The following FCRL6 variants were observed in gnomAD, a reference collection of about 807,000 sequenced individuals.
The protein encoded by FCRL6 is Fc receptor like 6.
Under a neutral mutation model 49.1 loss-of-function variants are expected in FCRL6, and 50 were observed. The ratio of observed to expected loss-of-function variants is 1.02; its 90% CI spans 0.81 to 1.29. The LOEUF is 1.29. Ranked by LOEUF, FCRL6 falls within the 50% of genes most tolerant of loss-of-function variation. FCRL6 has a pLI of 0.00. For missense variants in FCRL6, 571 were observed against 518.5 expected, an observed-to-expected ratio of 1.10 and a Z score of -0.98; for synonymous variants, 213 against 199.6, an observed-to-expected ratio of 1.07 and a Z score of -0.57.
upstream of FCRL6, chr1:159,800,652 C>T (rs1662266004): frequency 1.3e-6 from 2 of 1,529,702 alleles, no homozygotes; most frequent in East Asian, 4.9e-5. Context: ...TTTACTTCCT[C>T]ACTACTTTTC....
In FCRL6 at chr1:159,810,225, C is replaced by T; in HGVS notation, c.1009+9C>T. 3.7e-6 allele frequency: 6 copies of T among 1,608,734 alleles called. No individual in the cohort carries two copies. The highest frequency in any genetic ancestry group is 2.2e-5 in the South Asian group (2 of 90,266). ...ATCCTGGAGAAAAGCTGGTCAGTAA[C>T]TCCTCTTGGCTTTCTTAGCTGCTGA... On this transcript the variant is annotated intron_variant, in intron 6 of 9. Coordinates refer to ENST00000368106, the MANE Select transcript of FCRL6 (RefSeq NM_001004310.3).
intron 4 of FCRL6, 23 bp from the exon 5 acceptor site, chr1:159,809,379 C>A: frequency 6.4e-7 from 1 of 1,567,978 alleles, no homozygotes; most frequent in Non-Finnish European, 8.7e-7. Context: ...CAGGCTGAGC[C>A]TCCCACCCCA....
intron 3 of FCRL6, 99 bp from the exon 4 acceptor site, chr1:159,808,862 C>A: frequency 7.6e-7 from 1 of 1,320,276 alleles, no homozygotes; most frequent in Non-Finnish European, 1.0e-6. Context: ...TCGGGGTCCC[C>A]GGGCTGCAGC....
intron 1 of FCRL6, among the ~76,000 whole-genome samples, chr1:159,805,376 T>C (rs1042049232): frequency 1.3e-5 from 2 of 151,740 alleles, no homozygotes; most frequent in African/African-American, 2.4e-5. Context: ...TTTTTTTTGG[T>C]GTTATGTAAA....
chr1:159,812,145 C>G (rs149882770), intron 6 of FCRL6, among the ~76,000 whole-genome samples: 1 of 152,312 alleles, frequency 6.6e-6, no homozygotes, highest in African/African-American at 2.4e-5. Flanking sequence ...GAACCTGTCT[C>G]TCATGCAAAC....
Position 159,815,722 on chromosome 1 carries a change from A to T in FCRL6, c.*61A>T, listed in dbSNP as rs1663369237. 1 of 1,600,212 alleles carries T rather than the reference A, an allele frequency of 6.2e-7. No homozygotes were observed. The highest frequency in any genetic ancestry group is 8.5e-7 in the Non-Finnish European group (1 of 1,173,018). The stretch of plus-strand genomic sequence containing the variant: ...AGTCTCCAGTGCTCCTCAGGAAGAC[A>T]GTGGGGTCCTCAACTCTTTCTGTGG... On this transcript the variant is annotated 3_prime_UTR_variant, in exon 10 of 10. Transcript: ENST00000368106.
At chr1:159,812,950 T>A (rs1001602177) in intron 6 of FCRL6, among the ~76,000 whole-genome samples, 1 of 152,220 alleles carries the variant, frequency 6.6e-6, no homozygotes, top group Non-Finnish European at 1.5e-5. Context: ...TACTGTGACC[T>A]TATAGAAGTC....
At position 159,815,742 on chromosome 1, in the gene FCRL6, C is replaced by A; in HGVS notation, c.*81C>A. On this transcript the variant is annotated 3_prime_UTR_variant, in exon 10 of 10. Transcript: ENST00000368106. ...AAGACAGTGGGGTCCTCAACTCTTTCTGTGGGTCCTTCAGTTCCCAAGCCC... is the reference window on the plus strand; with the variant it reads ...AAGACAGTGGGGTCCTCAACTCTTTATGTGGGTCCTTCAGTTCCCAAGCCC... The A allele has an allele frequency of 6.4e-7, 1 of 1,552,688 alleles. No homozygotes were observed. The highest frequency in any genetic ancestry group is 8.8e-7 in the Non-Finnish European group (1 of 1,138,056).
rs376070749 is a variant in FCRL6, at chr1:159,813,524, G to A, written c.1045G>A (p.Gly349Ser). 1.2e-6 allele frequency: 2 copies of A among 1,614,026 alleles called. No individual in the cohort carries two copies. The highest frequency in any genetic ancestry group is 1.3e-5 in the African/African-American group (1 of 74,936). ...ATCCCAGATACCACCCACAGCTCCA[G>A]GTGGAGAGCAGTGCCCACTATATGC... is the stretch of plus-strand genomic sequence containing the variant. ...LPSQIPPTAP[G>S]GEQCPLYANV... Residue 349 changes from glycine to serine, a missense_variant, in exon 7 of 10, where the codon GGT becomes AGT. Coordinates refer to ENST00000368106, the MANE Select transcript of FCRL6 (RefSeq NM_001004310.3).
At chr1:159,805,964 C>T (rs1420237932) in intron 1 of FCRL6, among the ~76,000 whole-genome samples, 3 of 152,126 alleles carry the variant, frequency 2.0e-5, no homozygotes, top group Admixed American at 6.5e-5. Flanking sequence ...CTTCCCACCT[C>T]GTACAATGGG....
intron 1 of FCRL6, among the ~76,000 whole-genome samples, chr1:159,804,773 A>G (rs2101733201): frequency 6.6e-6 from 1 of 152,294 alleles, no homozygotes; most frequent in African/African-American, 2.4e-5. Context: ...TGGCTTCAGT[A>G]GTCTCAACCC....
intron 1 of FCRL6, among the ~76,000 whole-genome samples, chr1:159,805,839 T>C (rs1253482162): frequency 6.6e-6 from 1 of 152,226 alleles, no homozygotes; most frequent in Non-Finnish European, 1.5e-5. Context: ...TGTGGAGAGA[T>C]GGGACCACAA....
chr1:159,800,679 C>G, upstream of FCRL6: 1 of 1,421,524 alleles, frequency 7.0e-7, no homozygotes, highest in Non-Finnish European at 9.7e-7. Context: ...TCCTAAACAA[C>G]TGAGTCACCG....
At chr1:159,804,624 C>A (rs892764583) in intron 1 of FCRL6, among the ~76,000 whole-genome samples, 4 of 152,236 alleles carry the variant, frequency 2.6e-5, no homozygotes, top group Non-Finnish European at 2.9e-5. Flanking sequence ...CAGTTGGCTG[C>A]TGTTTTGATT....
chr1:159,812,369 G>A (rs1031369276), intron 6 of FCRL6, among the ~76,000 whole-genome samples: 42 of 152,100 alleles, frequency 2.8e-4, no homozygotes, highest in Non-Finnish European at 5.9e-5. Context: ...ATATGCCACC[G>A]CCAAAGACAG....
chr1:159,803,585 G>GAT (rs1662480518), intron 1 of FCRL6, among the ~76,000 whole-genome samples: 1 of 152,128 alleles, frequency 6.6e-6, no homozygotes, highest in South Asian at 2.1e-4. Flanking sequence ...CTAATGCCTG[G>GAT]ATATACTCCA....
chr1:159,805,662 T>G (rs1012283136), intron 1 of FCRL6, among the ~76,000 whole-genome samples: 1 of 152,228 alleles, frequency 6.6e-6, no homozygotes, highest in Non-Finnish European at 1.5e-5. Context: ...AAAACATGAA[T>G]GTAGCACATC....
At chr1:159,806,701 T>C (rs1662710908) in intron 2 of FCRL6, 85 bp downstream of exon 2, 1 of 1,381,122 alleles carries the variant, frequency 7.2e-7, no homozygotes, top group East Asian at 2.3e-5. Flanking sequence ...TGCCATGGGG[T>C]CCCCCAGAAA....
chr1:159,808,891 C>T, intron 3 of FCRL6, 70 bp from the exon 4 acceptor site: 2 of 1,480,454 alleles, frequency 1.4e-6, no homozygotes, highest in African/African-American at 1.4e-5. Flanking sequence ...AGTAGAAGCT[C>T]AGGCCTCAGC....
Sources: allele counts gnomAD v4.1 joint callset (sites outside exome capture counted in the v4.1 genomes callset), GRCh38; gene constraint gnomAD v4.1.1; transcripts MANE v1.5; gene names NCBI Gene and HGNC (gene_info 2026-07-23, HGNC 2026-07-21).